The following EPHB1 variants were observed in gnomAD, a reference collection of about 807,000 sequenced individuals.
EPHB1 encodes the protein ephrin type-B receptor 1.
Under a neutral mutation model 94.4 loss-of-function variants are expected in EPHB1, and 30 were observed. The observed-to-expected ratio is 0.32, with a 90% CI of 0.24 to 0.43. The LOEUF (loss-of-function observed/expected upper bound fraction) is 0.43, where lower values mean the gene tolerates loss of function less well. EPHB1 is among the 20% of genes least tolerant of loss of function. EPHB1 has a pLI of 1.00. For missense variants in EPHB1, 1,055 were observed against 1,308.3 expected (o/e 0.81, Z 2.99); for synonymous variants, 522 against 489.1 (o/e 1.07, Z -0.89).
At chr3:134,994,368 C>T (rs1934920325) in intron 3 of EPHB1, among the ~76,000 whole-genome samples, 1 of 152,204 alleles carries the variant, frequency 6.6e-6, no homozygotes, top group African/African-American at 2.4e-5. Context: ...CCCTGCCCAG[C>T]AGGCATCTGA....
chr3:134,810,563 G>C (rs2036151757), intron 1 of EPHB1, among the ~76,000 whole-genome samples: 1 of 152,170 alleles, frequency 6.6e-6, no homozygotes, highest in Admixed American at 6.5e-5. Context: ...AAAAGACTGA[G>C]AGAACAATTA....
chr3:135,202,462 GC>G (rs374856316), intron 12 of EPHB1, among the ~76,000 whole-genome samples: 40 of 151,940 alleles, frequency 2.6e-4, no homozygotes, highest in African/African-American at 9.7e-4. Context: ...CATCTCTACT[GC>G]CCCCACCCTA....
intron 15 of EPHB1, among the ~76,000 whole-genome samples, chr3:135,254,682 T>TG (rs1399458875): frequency 1.3e-4 from 18 of 142,758 alleles, no homozygotes; most frequent in South Asian, 2.4e-4. Flanking sequence ...TCTCTTTTTT[T>TG]TGTGTGTGTC....
At chr3:135,173,035 CTTT>C (rs1325117108) in intron 9 of EPHB1, among the ~76,000 whole-genome samples, 12 of 136,770 alleles carry the variant, frequency 8.8e-5, no homozygotes, top group African/African-American at 8.1e-5. Context: ...GAAATAGTTT[CTTT>C]TTTTTTTTTT....
chr3:135,010,849 ACCGTGCCCGG>A (rs1216299885), intron 3 of EPHB1, among the ~76,000 whole-genome samples: 1 of 151,830 alleles, frequency 6.6e-6, no homozygotes, highest in African/African-American at 2.4e-5. Flanking sequence ...GGAGTGAGCC[ACCGTGCCCGG>A]CCGAGGGTCT....
chr3:135,059,027 C>T (rs1278197922), intron 3 of EPHB1, among the ~76,000 whole-genome samples: 1 of 152,196 alleles, frequency 6.6e-6, no homozygotes, highest in Non-Finnish European at 1.5e-5. Context: ...CTCACTCAAG[C>T]TTGTGAAAAT....
intron 3 of EPHB1, among the ~76,000 whole-genome samples, chr3:134,952,977 G>A (rs758325861): frequency 2.0e-5 from 3 of 152,156 alleles, no homozygotes; most frequent in East Asian, 3.9e-4. Flanking sequence ...TTTGCTTGGA[G>A]CCTTCAAAGG....
rs1056573821 is a variant in EPHB1, at chr3:135,236,319, G to A, written c.2347-4829G>A. Among the ~76,000 whole-genome samples, 4 of 151,696 alleles carry A rather than the reference G, an allele frequency of 2.6e-5. No individual in the cohort carries two copies. In the East Asian group the frequency reaches 5.8e-4, roughly 22 times the overall value. On this transcript the variant is annotated intron_variant, in intron 12 of 15. Transcript: ENST00000398015. ...CTGGTGTGTTGCTGTATTTTCATTC[G>A]GCCTTCTTATAAGGATGCCAGCATG...
chr3:135,059,240 C>A (rs1937428665), intron 3 of EPHB1, among the ~76,000 whole-genome samples: 1 of 152,206 alleles, frequency 6.6e-6, no homozygotes, highest in Admixed American at 6.5e-5. Context: ...AGAAGGAGCC[C>A]TTTCTGGGTG....
chr3:135,064,686 T>G (rs902243132), intron 3 of EPHB1, among the ~76,000 whole-genome samples: 1 of 152,070 alleles, frequency 6.6e-6, no homozygotes, highest in African/African-American at 2.4e-5. Flanking sequence ...TTTTTTAAAC[T>G]GTTGTTTCAA....
chr3:134,939,442 G>C (rs376754751), intron 2 of EPHB1, among the ~76,000 whole-genome samples: 2 of 152,134 alleles, frequency 1.3e-5, no homozygotes, highest in East Asian at 1.9e-4. Flanking sequence ...CAAGCATATT[G>C]GAAGGTAAGC....
At chr3:135,138,702 T>G (rs1940707829) in intron 5 of EPHB1, among the ~76,000 whole-genome samples, 1 of 152,182 alleles carries the variant, frequency 6.6e-6, no homozygotes. Flanking sequence ...AAGAAAACTT[T>G]CATCGAAGTT....
intron 1 of EPHB1, among the ~76,000 whole-genome samples, chr3:134,828,824 G>A (rs1436362655): frequency 2.0e-5 from 3 of 152,174 alleles, no homozygotes; most frequent in African/African-American, 4.8e-5. Flanking sequence ...GATTGGTTTG[G>A]TGATGCTTCT....
At chr3:135,039,336 A>G (rs1237374158) in intron 3 of EPHB1, among the ~76,000 whole-genome samples, 1 of 152,238 alleles carries the variant, frequency 6.6e-6, no homozygotes, top group Non-Finnish European at 1.5e-5. Context: ...CCACGTCCCC[A>G]CCAGACTCAG....
chr3:135,082,725 G>T (rs1938206708), intron 3 of EPHB1, among the ~76,000 whole-genome samples: 1 of 152,230 alleles, frequency 6.6e-6, no homozygotes, highest in South Asian at 2.1e-4. Context: ...TATTGGAACA[G>T]CATAAGTCAC....
intron 3 of EPHB1, among the ~76,000 whole-genome samples, chr3:135,030,230 A>T (rs1201907009): frequency 6.6e-6 from 1 of 152,314 alleles, no homozygotes; most frequent in East Asian, 1.9e-4. Context: ...AGCTCGTCAA[A>T]GTCATTCTCC....
At chr3:135,008,990 C>T (rs895716394) in intron 3 of EPHB1, among the ~76,000 whole-genome samples, 8 of 152,168 alleles carry the variant, frequency 5.3e-5, no homozygotes, top group Non-Finnish European at 4.4e-5. Context: ...GTCACAGGGG[C>T]GTGGACTTAT....
intron 15 of EPHB1, among the ~76,000 whole-genome samples, chr3:135,250,257 G>A (rs1247343610): frequency 2.6e-5 from 4 of 152,118 alleles, no homozygotes; most frequent in African/African-American, 9.7e-5. Context: ...AAATACCATA[G>A]AACCATATTT....
intron 1 of EPHB1, among the ~76,000 whole-genome samples, chr3:134,884,101 G>A (rs2037815147): frequency 1.3e-5 from 2 of 152,176 alleles, no homozygotes; most frequent in Admixed American, 6.5e-5. Context: ...ACCCATTCTG[G>A]CCTCCATCCC....
Sources: allele counts gnomAD v4.1 joint callset (sites outside exome capture counted in the v4.1 genomes callset), GRCh38; gene constraint gnomAD v4.1.1; transcripts MANE v1.5; gene names NCBI Gene and HGNC (gene_info 2026-07-23, HGNC 2026-07-21).